The following NUP160 variants were observed in gnomAD, a reference collection of about 807,000 sequenced individuals.
NUP160 encodes the protein nuclear pore complex protein Nup160.
In NUP160, 94 loss-of-function variants were observed where a neutral mutation model predicts 196.9. That is an observed-to-expected ratio of 0.48 (90% confidence interval 0.40 to 0.57). NUP160 has a LOEUF of 0.57. Among genes scored for constraint, NUP160 ranks in the 20% least tolerant of loss-of-function variants. NUP160 has a pLI of 0.00. For missense variants in NUP160, 1,638 were observed against 1,748.3 expected (o/e 0.94, Z 1.13); for synonymous variants, 605 against 619.7 (o/e 0.98, Z 0.35).
chr11:47,809,766 G>A (rs1051142954), intron 17 of NUP160, among the ~76,000 whole-genome samples: 6 of 145,346 alleles, frequency 4.1e-5, no homozygotes, highest in East Asian at 4.0e-4. Context: ...AAAGATGTGC[G>A]GAAAATTATG....
At chr11:47,842,093 T>G (rs925153727) in intron 2 of NUP160, among the ~76,000 whole-genome samples, 1 of 152,100 alleles carries the variant, frequency 6.6e-6, no homozygotes, top group African/African-American at 2.4e-5. Context: ...TCCACATATG[T>G]GACCTTGCCT....
At chr11:47,819,707 G>A (rs1323796854) in intron 9 of NUP160, among the ~76,000 whole-genome samples, 1 of 152,070 alleles carries the variant, frequency 6.6e-6, no homozygotes, top group Non-Finnish European at 1.5e-5. Context: ...CATTGTTTCA[G>A]ATCTCAAGCC....
chr11:47,785,101 C>CATTTTTTTTTT, intron 32 of NUP160, 38 bp from the exon 33 acceptor site: 1 of 1,107,990 alleles, frequency 9.0e-7, no homozygotes, highest in Non-Finnish European at 1.3e-6. Context: ...GTTTCAGATT[C>CATTTTTTTTTT]TTAATAGCTA....
At chr11:47,812,081 T>C in exon 17 of NUP160, 1 of 1,614,074 alleles carries the variant, frequency 6.2e-7, no homozygotes. Flanking sequence ...CCAAGCCTCA[T>C]TAACAGCTGC....
At chr11:47,800,208 C>T (rs374981612) in intron 23 of NUP160, among the ~76,000 whole-genome samples, 17 of 148,256 alleles carry the variant, frequency 1.1e-4, no homozygotes, top group South Asian at 4.3e-4. Flanking sequence ...GAGCCCAGAT[C>T]GCACTACTGC....
At position 47,788,622 on chromosome 11, in the gene NUP160, A is replaced by G; in HGVS notation, c.3512-11T>C. 1 of 1,581,058 alleles carries G rather than the reference A, an allele frequency of 6.3e-7. No individual in the cohort carries two copies. The highest frequency in any genetic ancestry group is 1.1e-5 in the South Asian group (1 of 90,024). The stretch of plus-strand genomic sequence containing the variant: ...CAATTTGTCGATTTGCTATACATCA[A>G]AGAAAAATATTTTGAACTCCCAAAA... On this transcript the variant is annotated splice_polypyrimidine_tract_variant and intron_variant, in intron 29 of 35. Coordinates refer to ENST00000378460, the Ensembl canonical transcript of NUP160.
rs1324754308 is a variant in NUP160, at chr11:47,816,704, A to G, written c.1432-675T>C. Among the ~76,000 whole-genome samples the G allele has an allele frequency of 2.6e-5, 4 of 151,796 alleles. No individual in the cohort carries two copies. In the East Asian group the frequency reaches 7.7e-4, roughly 29 times the overall value. ...GGCAGGAGAATCACTTGAACCCAGG[A>G]GGCAGAGGTTGCAGTGAGCCAAGAT... On this transcript the variant is annotated intron_variant, in intron 11 of 35. Coordinates refer to ENST00000378460, the Ensembl canonical transcript of NUP160.
At chr11:47,814,249 TAA>T (rs1365619321) in intron 13 of NUP160, among the ~76,000 whole-genome samples, 1 of 151,958 alleles carries the variant, frequency 6.6e-6, no homozygotes, top group Admixed American at 6.6e-5. Context: ...GAGGTTAAGC[TAA>T]AGAGACACAA....
chr11:47,819,474 TC>T lies in NUP160; in HGVS notation c.1278-17del. ...TGCAACATTACTAGAGACAAAAAAG[TC>T]CACCAGTTTATACAGAAATGATCAC... On this transcript the variant is annotated splice_polypyrimidine_tract_variant and intron_variant, in intron 9 of 35. Transcript: ENST00000378460. 1 of 1,574,548 alleles carries T rather than the reference TC, an allele frequency of 6.4e-7. No individual in the cohort carries two copies. The highest frequency in any genetic ancestry group is 8.7e-7 in the Non-Finnish European group (1 of 1,144,126).
intron 9 of NUP160, 59 bp from the exon 10 acceptor site, chr11:47,819,517 G>T: frequency 8.2e-7 from 1 of 1,218,104 alleles, no homozygotes; most frequent in Non-Finnish European, 1.2e-6. Flanking sequence ...TGAAATGTAT[G>T]CTGTTGGCAG....
exon 26 of NUP160, chr11:47,798,006 T>G: frequency 6.3e-7 from 1 of 1,580,112 alleles, no homozygotes; most frequent in African/African-American, 1.4e-5. Context: ...ATAGGGAAAC[T>G]CTACAAGATC....
rs1025736212 is a variant in NUP160 at position 47,832,411 on chromosome 11, C to T, written c.1101+3240G>A. Among the ~76,000 whole-genome samples, 8 of 152,234 alleles carry T rather than the reference C, an allele frequency of 5.3e-5. No individual in the cohort carries two copies. The South Asian group carries it at 8.3e-4, about 16-fold the overall frequency. On this transcript the variant is annotated intron_variant, in intron 7 of 35. Transcript: ENST00000378460. ...GTTAAATGATTACCAGTCATTATTC[C>T]GGAGGTCATAAGATTTGCAACTTCC...
chr11:47,806,826 C>T (rs1164652772), intron 19 of NUP160, among the ~76,000 whole-genome samples: 3 of 148,792 alleles, frequency 2.0e-5, no homozygotes, highest in Non-Finnish European at 3.0e-5. Flanking sequence ...CACACACACA[C>T]ACACACACAC....
Position 47,825,587 on chromosome 11 carries a change from G to T in NUP160, c.1102-3423C>A, listed in dbSNP as rs559881493. 2.6e-5 allele frequency among the ~76,000 whole-genome samples: 4 copies of T among 151,950 alleles called. No homozygotes were observed. The East Asian group carries it at 7.8e-4, about 30-fold the overall frequency. On this transcript the variant is annotated intron_variant, in intron 7 of 35. Transcript: ENST00000378460. ...CCTGCCTCAGCCTCGCGAGTAGTTG[G>T]GATTTACAGGCACGCACTACCATGC...
chr11:47,846,258 T>G (rs1020016427), intron 2 of NUP160, among the ~76,000 whole-genome samples: 1 of 152,078 alleles, frequency 6.6e-6, no homozygotes, highest in African/African-American at 2.4e-5. Flanking sequence ...ATTACAGGTG[T>G]GAGCCACTGT....
intron 4 of NUP160, 30 bp downstream of exon 4, chr11:47,839,813 G>A (rs1852258445): frequency 6.4e-7 from 1 of 1,555,308 alleles, no homozygotes. Flanking sequence ...CTTGTTTAAA[G>A]TTAAATCCAT....
Position 47,824,333 on chromosome 11 carries a change from C to T in NUP160, c.1102-2169G>A, listed in dbSNP as rs1053810282. Among the ~76,000 whole-genome samples the T allele has an allele frequency of 2.6e-5, 4 of 151,664 alleles. No homozygotes were observed. The South Asian group carries it at 6.2e-4, about 24-fold the overall frequency. On this transcript the variant is annotated intron_variant, in intron 7 of 35. Coordinates refer to ENST00000378460, the Ensembl canonical transcript of NUP160. ...AAAAAAATTATTTGTTGGCTGGGTG[C>T]GGTGGCTCACACCTGTAATCTCAGC...
intron 23 of NUP160, 65 bp downstream of exon 23, chr11:47,801,746 A>G (rs990745055): frequency 7.0e-7 from 1 of 1,425,542 alleles, no homozygotes; most frequent in Non-Finnish European, 9.6e-7. Context: ...AAAAATAGCA[A>G]AGCAATGTAT....
In NUP160 at chr11:47,836,990, G is replaced by A. The variant is rs926816298; in HGVS notation, c.839C>T (p.Ser280Leu). 12 of 1,610,312 alleles carry A rather than the reference G, an allele frequency of 7.5e-6. No individual in the cohort carries two copies. The highest frequency in any genetic ancestry group is 1.7e-4 in the Middle Eastern group (1 of 6,058). Residue 280 changes from serine (S) to leucine (L), a missense_variant, in exon 6 of 36, where the codon TCG (serine) becomes TTG (leucine). Ser to Leu is a moderately radical substitution (Grantham distance 145). Around this residue, in one of 3 missense-constraint regions of NUP160, gnomAD observed 1,345 missense variants for 1,470.2 expected, o/e 0.91. Transcript: ENST00000378460. ...AAGACTGAGGGGACGATCTGAAGGC[G>A]ACTGGTCACCCCTAAAACATAAGAC...
Sources: allele counts gnomAD v4.1 joint callset (sites outside exome capture counted in the v4.1 genomes callset), GRCh38; gene constraint gnomAD v4.1.1; regional missense constraint gnomAD v4.1.1; transcripts MANE v1.5; gene names NCBI Gene and HGNC (gene_info 2026-07-23, HGNC 2026-07-21).